Variants in MEGF8 observed in about 807,000 individuals in gnomAD.
MEGF8 encodes the protein multiple EGF like domains 8, also known as multiple epidermal growth factor-like domains protein 8.
MEGF8 carries 156 observed loss-of-function variants against 302.9 expected under a neutral mutation model. The observed-to-expected ratio is 0.52, with a 90% confidence interval of 0.45 to 0.59. The LOEUF (loss-of-function observed/expected upper bound fraction) is 0.59, where lower values mean the gene tolerates loss of function less well. Ranked by LOEUF, MEGF8 falls within the 20% of genes least tolerant of loss-of-function variation. MEGF8 has a pLI of 0.00. For synonymous variants in MEGF8, 1,621 were observed against 1,660.5 expected (o/e 0.98, Z 0.58); for missense variants, 3,345 against 3,964.5 (o/e 0.84, Z 4.20).
rs1351522248 is a variant in MEGF8 at position 42,355,937 on chromosome 19, C to T, written c.4324C>T (p.Pro1442Ser). Residue 1442 changes from proline (P) to serine (S), a missense_variant, in exon 24 of 42, where the codon CCA (proline) becomes TCA (serine). By Grantham distance (74) the Pro-to-Ser change is moderately conservative. Transcript: ENST00000251268. ...LCRCPQGWAG[P>S]HCRMALCPEN... ...CCGATGTCCTCAGGGCTGGGCTGGCCCACACTGCCGCATGGCTCTGTGTCC... is the reference window on the plus strand; with the variant it reads ...CCGATGTCCTCAGGGCTGGGCTGGCTCACACTGCCGCATGGCTCTGTGTCC... 1 of 1,608,720 alleles carries T rather than the reference C, an allele frequency of 6.2e-7. No homozygotes were observed. The highest frequency in any genetic ancestry group is 8.5e-7 in the Non-Finnish European group (1 of 1,178,150).
chr19:42,333,968 G>A (rs1251289920), intron 2 of MEGF8, 39 bp from the exon 3 acceptor site: 5 of 1,590,402 alleles, frequency 3.1e-6, no homozygotes, highest in Non-Finnish European at 4.3e-6. Context: ...ACAATCCCCA[G>A]GCCCTGCCCA....
At position 42,354,533 on chromosome 19, in the gene MEGF8, C is replaced by A; in HGVS notation, c.4012-55C>A. ...TTGAACCCCTCCTCCTCCCAGACCC[C>A]AGGTGTCGTTCTCATCCTCATTGTC... On this transcript the variant is annotated intron_variant, in intron 22 of 41. Transcript: ENST00000251268. This position sits in a 1 kb window ranked among gnomAD's most constrained non-coding sequence, Gnocchi z 4.3. 1.3e-6 allele frequency: 2 copies of A among 1,568,074 alleles called. No individual in the cohort carries two copies. The highest frequency in any genetic ancestry group is 1.7e-5 in the Admixed American group (1 of 57,550).
At position 42,357,697 on chromosome 19, in the gene MEGF8, C is replaced by T; in HGVS notation, c.5011+113C>T. 1 of 968,220 alleles carries T rather than the reference C, an allele frequency of 1.0e-6. No homozygotes were observed. The highest frequency in any genetic ancestry group is 1.6e-5 in the African/African-American group (1 of 60,996). The allele number at this position is 968,220 out of a possible 1,614,324, so 60.0% of individuals were successfully genotyped here. A position where few individuals can be genotyped will look rare whatever the true frequency, so the allele number is the denominator to read the frequency against. On this transcript the variant is annotated intron_variant, in intron 28 of 41. Coordinates refer to ENST00000251268, the MANE Select transcript of MEGF8 (RefSeq NM_001271938.2). This position sits in a 1 kb window ranked among gnomAD's most constrained non-coding sequence, Gnocchi z 5.2. ...TGTGGCCACCTGTCTCCCTCTCTTT[C>T]CCATCCCCATGCAGATTCTCAGGGC...
Position 42,326,251 on chromosome 19 carries a change from T to C in MEGF8, c.8T>C (p.Leu3Pro). 1 of 1,534,182 alleles carries C rather than the reference T, an allele frequency of 6.5e-7. No individual in the cohort carries two copies. Among genetic ancestry groups the C allele is most frequent in the Non-Finnish European group, 8.7e-7 (1 of 1,150,412 alleles). MALGKVLAMALVL... is the reference protein window; with the variant it reads MAPGKVLAMALVL... ...TCAGTGCAGGAGGCGGCGATGGCCC[T>C]GGGCAAGGTTCTGGCCATGGCACTG... Residue 3 changes from leucine to proline, a missense_variant, in exon 1 of 42, where the codon CTG becomes CCG. Physicochemically the swap from Leu to Pro is moderately conservative, Grantham distance 98. Coordinates refer to ENST00000251268, the MANE Select transcript of MEGF8 (RefSeq NM_001271938.2).
At chr19:42,371,176 G>A (rs2039686195) in intron 40 of MEGF8, among the ~76,000 whole-genome samples, 174 bp from the exon 41 acceptor site, 1 of 152,076 alleles carries the variant, frequency 6.6e-6, no homozygotes, top group Non-Finnish European at 1.5e-5. Context: ...TGCAACTCGG[G>A]TTCTAATCCC....
In MEGF8 at chr19:42,358,192, A is replaced by G. The variant is rs1181212329; in HGVS notation, c.5060A>G (p.Tyr1687Cys). The change falls in exon 29 of 42, where the codon TAC (tyrosine) becomes TGC (cysteine). Residue 1687 changes from tyrosine to cysteine, a missense_variant. By Grantham distance (194) the Tyr-to-Cys change is radical. Transcript: ENST00000251268. This position sits in a 1 kb window ranked among gnomAD's most constrained non-coding sequence, Gnocchi z 4.4. ...TACCACGAGGCCACCGACTCCCTCT[A>G]CGTGTTTGGGGGGTTCCGATTCCAT... ...AVYHEATDSL[Y>C]VFGGFRFHVE... 6.2e-7 allele frequency: 1 copy of G among 1,602,372 alleles called. No individual in the cohort carries two copies.
rs1613100 is a variant in MEGF8, at chr19:42,363,395, G to T, written c.6273+133G>T. The T allele has an allele frequency of 0.07, 55,550 of 788,400 alleles. 2,702 individuals are homozygous for T. The highest frequency in any genetic ancestry group is 0.16 in the Middle Eastern group (440 of 2,734). The allele number at this position is 788,400 out of a possible 1,614,324, so 48.8% of individuals were successfully genotyped here. On this transcript the variant is annotated intron_variant, in intron 35 of 41. Coordinates refer to ENST00000251268, the MANE Select transcript of MEGF8 (RefSeq NM_001271938.2). The stretch of plus-strand genomic sequence containing the variant: ...CATCTCCCTGGCTCTAGCTGCAGTC[G>T]TGCTTCCTTCTCGTGCCACCATCTC...
At position 42,354,514 on chromosome 19, in the gene MEGF8, C is replaced by T; in HGVS notation, c.4012-74C>T. 1 of 1,523,522 alleles carries T rather than the reference C, an allele frequency of 6.6e-7. No individual in the cohort carries two copies. The highest frequency in any genetic ancestry group is 8.9e-7 in the Non-Finnish European group (1 of 1,124,330). The allele number at this position is 1,523,522 out of a possible 1,614,324, so 94.4% of individuals were successfully genotyped here. On this transcript the variant is annotated intron_variant, in intron 22 of 41. Coordinates refer to ENST00000251268, the MANE Select transcript of MEGF8 (RefSeq NM_001271938.2). This position sits in a 1 kb window ranked among gnomAD's most constrained non-coding sequence, Gnocchi z 4.3. ...CTCAGATTGCCCTCCCCTCTTGAAC[C>T]CCTCCTCCTCCCAGACCCCAGGTGT...
chr19:42,335,695 C>T (rs1177933757), intron 5 of MEGF8, among the ~76,000 whole-genome samples: 1 of 152,194 alleles, frequency 6.6e-6, no homozygotes, highest in Admixed American at 6.5e-5. Context: ...ATCTGTTTCT[C>T]TCTGCCATTT....
chr19:42,363,690 T>C (rs2039565272), intron 35 of MEGF8, among the ~76,000 whole-genome samples: 1 of 152,200 alleles, frequency 6.6e-6, no homozygotes, highest in African/African-American at 2.4e-5. Flanking sequence ...TCTCTCTTTC[T>C]CTCTCTACTT....
chr19:42,346,025 T>C (rs1342443343), intron 12 of MEGF8, among the ~76,000 whole-genome samples: 2 of 152,134 alleles, frequency 1.3e-5, no homozygotes, highest in Admixed American at 6.6e-5. Context: ...CTCAGCCTGC[T>C]GAGTAGCTGG....
chr19:42,356,825 C>T lies in MEGF8; in HGVS notation c.4674C>T (p.Asp1558=), dbSNP rs552764885. 9 of 1,559,938 alleles carry T rather than the reference C, an allele frequency of 5.8e-6. No individual in the cohort carries two copies. In the Admixed American group the frequency reaches 7.7e-5, roughly 13 times the overall value. Reference sequence around the variant, plus strand: ...CACAGATGCTGGCGGGAGCCGAGGACGGGGGCCCAGGCCCATCGCCCCGCT... The same window carrying T: ...CACAGATGCTGGCGGGAGCCGAGGATGGGGGCCCAGGCCCATCGCCCCGCT... ...RWTQMLAGAE[D]GGPGPSPRSF... The change falls in exon 27 of 42, where the codon GAC becomes GAT. Residue 1558 remains aspartate (D), a synonymous_variant. Transcript: ENST00000251268. The surrounding 1 kb of genome is among the most constrained non-coding windows in gnomAD (Gnocchi z 5.2).
chr19:42,329,948 A>T (rs560213996), intron 1 of MEGF8, among the ~76,000 whole-genome samples: 1 of 151,156 alleles, frequency 6.6e-6, no homozygotes, highest in Non-Finnish European at 1.5e-5. Context: ...CTAGTCCTAG[A>T]CTTTTTTTTT....
chr19:42,368,694 G>T lies in MEGF8; in HGVS notation c.6481+32G>T. 1 of 1,529,634 alleles carries T rather than the reference G, an allele frequency of 6.5e-7. No individual in the cohort carries two copies. 94.8% of individuals were successfully genotyped at this position (1,529,634 alleles called of 1,614,324 possible). A position where few individuals can be genotyped will look rare whatever the true frequency, so the allele number is the denominator to read the frequency against. On this transcript the variant is annotated intron_variant, in intron 36 of 41. Coordinates refer to ENST00000251268, the MANE Select transcript of MEGF8 (RefSeq NM_001271938.2). The surrounding 1 kb of genome is among the most constrained non-coding windows in gnomAD (Gnocchi z 4.9). ...GGGCTTTGGGCACTGGGGGAGAGGG[G>T]CTGGCCCTTGGTTGGGGTCTGATAC...
At chr19:42,365,349 G>A (rs2039589039) in intron 35 of MEGF8, among the ~76,000 whole-genome samples, 1 of 152,108 alleles carries the variant, frequency 6.6e-6, no homozygotes. Context: ...GCAAGGGGAA[G>A]AGGTGGGGCC....
At chr19:42,337,770 T>C (rs2039151067) in intron 8 of MEGF8, among the ~76,000 whole-genome samples, 1 of 151,952 alleles carries the variant, frequency 6.6e-6, no homozygotes, top group Non-Finnish European at 1.5e-5. Context: ...CCTCCCAAAG[T>C]GCTGGGATTA....
In MEGF8 at chr19:42,369,828, C is replaced by T; in HGVS notation, c.6834+105C>T. ...CATCTCATCCTGAGCCCTGATAAGCCAGGGACAGATAAGCCAGAGCCCTGT... is the reference window on the plus strand; with the variant it reads ...CATCTCATCCTGAGCCCTGATAAGCTAGGGACAGATAAGCCAGAGCCCTGT... On this transcript the variant is annotated intron_variant, in intron 38 of 41. Transcript: ENST00000251268. This position sits in a 1 kb window ranked among gnomAD's most constrained non-coding sequence, Gnocchi z 5.7. The T allele has an allele frequency of 7.8e-7, 1 of 1,279,336 alleles. No individual in the cohort carries two copies. Among genetic ancestry groups the T allele is most frequent in the African/African-American group, 1.5e-5 (1 of 67,780 alleles). The allele number at this position is 1,279,336 out of a possible 1,614,324, so 79.2% of individuals were successfully genotyped here.
rs151202529 is a variant in MEGF8 at position 42,360,482 on chromosome 19, G to C, written c.5489-293G>C. Reference sequence around the variant, plus strand: ...TAATTTAGCTTCCCAAGTAGCTGGGGCCACAGGTGCGCACCACCATGCCCA... The same window carrying C: ...TAATTTAGCTTCCCAAGTAGCTGGGCCCACAGGTGCGCACCACCATGCCCA... On this transcript the variant is annotated intron_variant, in intron 31 of 41. Coordinates refer to ENST00000251268, the MANE Select transcript of MEGF8 (RefSeq NM_001271938.2). Among the ~76,000 whole-genome samples the C allele has an allele frequency of 3.3e-3, 495 of 151,870 alleles. 2 individuals carry two copies. The highest frequency in any genetic ancestry group is 0.012 in the African/African-American group (485 of 41,420).
chr19:42,332,436 C>T (rs943049074), intron 1 of MEGF8, among the ~76,000 whole-genome samples: 15 of 151,898 alleles, frequency 9.9e-5, no homozygotes, highest in African/African-American at 2.2e-4. Context: ...GGCACAATCT[C>T]GGCTCACTGC....
Sources: gnomAD v4.1 joint callset for allele counts (sites outside exome capture counted in the v4.1 genomes callset) on GRCh38, gnomAD v4.1.1 for gene constraint, Gnocchi (gnomAD v3.1) non-coding constraint, MANE v1.5 for transcripts, NCBI Gene and HGNC (gene_info 2026-07-23, HGNC 2026-07-21) for gene names.